The following GSK3B variants were observed in gnomAD, a reference collection of about 807,000 sequenced individuals.
GSK3B encodes glycogen synthase kinase 3 beta.
A neutral mutation model predicts 56.4 loss-of-function variants in GSK3B; 15 were observed. That is an observed-to-expected ratio of 0.27 (90% CI 0.18 to 0.41). The LOEUF is 0.41. Ranked by LOEUF, GSK3B falls within the 10% of genes least tolerant of loss-of-function variation. The pLI is 1.00. For synonymous variants in GSK3B, 181 were observed against 188.9 expected (o/e 0.96, Z 0.34); for missense variants, 300 against 513.4 (o/e 0.58, Z 4.02).
chr3:120,011,135 ACTGT>A (rs1359781205), intron 1 of GSK3B, among the ~76,000 whole-genome samples: 1 of 152,130 alleles, frequency 6.6e-6, no homozygotes, highest in African/African-American at 2.4e-5. Flanking sequence ...GAAAACAAAA[ACTGT>A]CTGGGGTCCA....
At chr3:120,026,833 C>T (rs1021836360) in intron 1 of GSK3B, among the ~76,000 whole-genome samples, 1 of 151,400 alleles carries the variant, frequency 6.6e-6, no homozygotes, top group Admixed American at 6.6e-5. Context: ...GCTAGGATTA[C>T]AGGCGTGAGC....
chr3:119,851,463 G>A (rs868284271), intron 9 of GSK3B, among the ~76,000 whole-genome samples: 4 of 152,318 alleles, frequency 2.6e-5, no homozygotes, highest in Middle Eastern at 3.4e-3. Context: ...AGTTTTCTGA[G>A]GGGGCAGGTA....
chr3:119,829,128 G>A (rs1351347074), intron 10 of GSK3B, among the ~76,000 whole-genome samples: 1 of 152,076 alleles, frequency 6.6e-6, no homozygotes, highest in East Asian at 1.9e-4. Context: ...GTTTAAAGAA[G>A]TTTTACCCTT....
chr3:119,939,323 T>C (rs748525547), intron 3 of GSK3B, among the ~76,000 whole-genome samples: 2 of 152,166 alleles, frequency 1.3e-5, no homozygotes, highest in Admixed American at 6.5e-5. Flanking sequence ...GGTCACGATA[T>C]AGATGTTCAA....
intron 7 of GSK3B, among the ~76,000 whole-genome samples, chr3:119,897,838 C>T (rs1036564640): frequency 2.7e-5 from 4 of 146,690 alleles, no homozygotes; most frequent in African/African-American, 1.0e-4. Context: ...GATTGTCTGA[C>T]AATGAAAATG....
intron 10 of GSK3B, among the ~76,000 whole-genome samples, chr3:119,839,658 T>C (rs2055742298): frequency 6.6e-6 from 1 of 152,230 alleles, no homozygotes. Flanking sequence ...AAGGTCATTT[T>C]TAGATGATTT....
intron 2 of GSK3B, among the ~76,000 whole-genome samples, chr3:119,991,855 T>C (rs1306856329): frequency 1.3e-5 from 2 of 151,906 alleles, no homozygotes; most frequent in African/African-American, 2.4e-5. Context: ...TTTTAACATG[T>C]AGAATAAAAA....
intron 1 of GSK3B, among the ~76,000 whole-genome samples, chr3:120,030,343 G>C (rs1383231616): frequency 2.6e-5 from 4 of 152,034 alleles, no homozygotes; most frequent in African/African-American, 9.7e-5. Flanking sequence ...AGAGCTGTTG[G>C]TTCTCAAATG....
rs2056591968 is a variant in GSK3B at position 119,898,461 on chromosome 3, T to C, written c.813+7294A>G. On this transcript the variant is annotated intron_variant, in intron 7 of 10. Coordinates refer to ENST00000264235, the MANE Select transcript of GSK3B (RefSeq NM_001146156.2). The stretch of plus-strand genomic sequence containing the variant: ...AGATACCTCAAATTGATTTCACTAC[T>C]GTAAGATTTAGGGGTTGCATCACTA... 2.6e-5 allele frequency among the ~76,000 whole-genome samples: 4 copies of C among 152,184 alleles called. No individual in the cohort carries two copies. In the South Asian group the frequency reaches 6.2e-4, roughly 24 times the overall value.
At chr3:119,882,071 A>G (rs542958614) in intron 7 of GSK3B, among the ~76,000 whole-genome samples, 4 of 152,282 alleles carry the variant, frequency 2.6e-5, no homozygotes, top group Admixed American at 6.5e-5. Context: ...TATCTTTATC[A>G]GCAGTGTGAA....
At chr3:120,034,540 T>C (rs925790151) in intron 1 of GSK3B, among the ~76,000 whole-genome samples, 1 of 152,146 alleles carries the variant, frequency 6.6e-6, no homozygotes, top group African/African-American at 2.4e-5. Flanking sequence ...ACCATAAAGG[T>C]AGGGGCTTAT....
intron 7 of GSK3B, among the ~76,000 whole-genome samples, chr3:119,903,335 A>G (rs1374875407): frequency 6.6e-6 from 1 of 152,148 alleles, no homozygotes; most frequent in Non-Finnish European, 1.5e-5. Context: ...AACTTTCTAT[A>G]AGCAGTGATT....
chr3:120,028,903 C>T (rs144883525), intron 1 of GSK3B: 5 of 521,138 alleles, frequency 9.6e-6, no homozygotes, highest in Non-Finnish European at 1.8e-5. Context: ...CAGAAAAGCA[C>T]CCAGGAAGGC....
chr3:120,053,083 T>C (rs2058163774), intron 1 of GSK3B, among the ~76,000 whole-genome samples: 1 of 152,138 alleles, frequency 6.6e-6, no homozygotes, highest in Non-Finnish European at 1.5e-5. Context: ...ATGCCTGTAA[T>C]CTCAGCACTT....
At chr3:119,838,885 TTGTTTTATACTATAA>T (rs1372234259) in intron 10 of GSK3B, among the ~76,000 whole-genome samples, 1 of 152,230 alleles carries the variant, frequency 6.6e-6, no homozygotes, top group Non-Finnish European at 1.5e-5. Context: ...CTGACAGCTC[TTGTTTTATACTATAA>T]TGCTTTCCCA....
At chr3:119,956,379 G>A (rs1306361811) in intron 2 of GSK3B, among the ~76,000 whole-genome samples, 1 of 152,174 alleles carries the variant, frequency 6.6e-6, no homozygotes, top group Non-Finnish European at 1.5e-5. Flanking sequence ...TGCCTATACA[G>A]GTTGAATACA....
In GSK3B at chr3:119,823,350, C is replaced by A; in HGVS notation, c.*3438G>T. On this transcript the variant is annotated 3_prime_UTR_variant, in exon 11 of 11. Coordinates refer to ENST00000264235, the MANE Select transcript of GSK3B (RefSeq NM_001146156.2). ...TGGGCTAAGAGTTCCCTTGTTAAAA[C>A]AACAGTCCTCTATTGGCACGGTGGC... 1 of 204,036 alleles carries A rather than the reference C, an allele frequency of 4.9e-6. No homozygotes were observed. Among genetic ancestry groups the A allele is most frequent in the Non-Finnish European group, 1.0e-5 (1 of 99,566 alleles). The allele number at this position is 204,036 out of a possible 1,614,324, so 12.6% of individuals were successfully genotyped here. A position where few individuals can be genotyped will look rare whatever the true frequency, so the allele number is the denominator to read the frequency against.
intron 7 of GSK3B, among the ~76,000 whole-genome samples, chr3:119,903,490 A>G (rs1449215713): frequency 6.6e-6 from 1 of 152,210 alleles, no homozygotes; most frequent in Non-Finnish European, 1.5e-5. Context: ...TGGAAAAAAT[A>G]AGCACTTAAT....
At position 119,915,232 on chromosome 3, in the gene GSK3B, G is replaced by C. The variant is rs548720810; in HGVS notation, c.608+812C>G. Among the ~76,000 whole-genome samples, 100 of 152,018 alleles carry C rather than the reference G, an allele frequency of 6.6e-4. 2 individuals are homozygous for C. The highest frequency in any genetic ancestry group is 3.5e-3 in the South Asian group (17 of 4,820). On this transcript the variant is annotated intron_variant, in intron 5 of 10. Transcript: ENST00000264235. ...TTGCAGGAAAAAGGGTGGAATAAAAGGTTAAATTATAGAGGAAAATGAAGA... is the reference window on the plus strand; with the variant it reads ...TTGCAGGAAAAAGGGTGGAATAAAACGTTAAATTATAGAGGAAAATGAAGA...
Sources: allele counts gnomAD v4.1 joint callset (sites outside exome capture counted in the v4.1 genomes callset), GRCh38; gene constraint gnomAD v4.1.1; transcripts MANE v1.5; gene names NCBI Gene and HGNC (gene_info 2026-07-23, HGNC 2026-07-21).